The following EIF2AK4 variants were observed in gnomAD, a reference collection of about 807,000 sequenced individuals.
The protein encoded by EIF2AK4 is eukaryotic translation initiation factor 2 alpha kinase 4.
Under a neutral mutation model 211.1 loss-of-function variants are expected in EIF2AK4, and 139 were observed. That is an observed-to-expected ratio of 0.66 (90% CI 0.57 to 0.76). The LOEUF (loss-of-function observed/expected upper bound fraction) is 0.76. Among genes scored for constraint, EIF2AK4 ranks in the 30% least tolerant of loss-of-function variants. The pLI is 0.00. For synonymous variants in EIF2AK4, 710 were observed against 751.3 expected (o/e 0.94, Z 0.90); for missense variants, 1,664 against 2,043.8 (o/e 0.81, Z 3.58).
Position 39,965,717 on chromosome 15 carries a change from C to A in EIF2AK4, c.891C>A (p.Tyr297Ter). 1 of 1,613,886 alleles carries A rather than the reference C, an allele frequency of 6.2e-7. No homozygotes were observed. Among genetic ancestry groups the A allele is most frequent in the East Asian group, 2.2e-5 (1 of 44,872 alleles). The change falls in exon 8 of 39, where the codon TAC (tyrosine) becomes TAA (stop). Residue 297 changes from tyrosine (Y) to a stop codon, truncating the protein, a stop_gained. Coordinates refer to ENST00000263791, the MANE Select transcript of EIF2AK4 (RefSeq NM_001013703.4). LOFTEE classifies it high-confidence loss of function. ...GSDEQLGKLVYNALETATGGF... is the reference protein window; with the variant it reads ...GSDEQLGKLV Reference sequence around the variant, plus strand: ...ATGAACAACTTGGAAAATTAGTCTACAATGCTTTGGAAACAGCCACTGGTG... The same window carrying A: ...ATGAACAACTTGGAAAATTAGTCTAAAATGCTTTGGAAACAGCCACTGGTG...
chr15:39,946,799 A>G, intron 3 of EIF2AK4: 1 of 604,600 alleles, frequency 1.7e-6, no homozygotes, highest in Non-Finnish European at 3.0e-6. Flanking sequence ...AGCCATCATC[A>G]AGACAAAACC....
At chr15:39,953,381 C>G (rs2034346428) in intron 4 of EIF2AK4, among the ~76,000 whole-genome samples, 2 of 151,982 alleles carry the variant, frequency 1.3e-5, no homozygotes, top group South Asian at 4.2e-4. Context: ...ATCAAAATAC[C>G]ACTTTTAACA....
At chr15:40,013,924 C>T (rs557317012) in intron 27 of EIF2AK4, among the ~76,000 whole-genome samples, 1 of 152,346 alleles carries the variant, frequency 6.6e-6, no homozygotes, top group African/African-American at 2.4e-5. Flanking sequence ...TGAAACAAGG[C>T]AAGTCCCTTC....
At chr15:39,997,303 G>A (rs2035030874) in intron 19 of EIF2AK4, among the ~76,000 whole-genome samples, 1 of 152,118 alleles carries the variant, frequency 6.6e-6, no homozygotes, top group African/African-American at 2.4e-5. Flanking sequence ...GCAGTTTTGG[G>A]AGCCAAAGAT....
chr15:39,943,504 G>T lies in EIF2AK4; in HGVS notation c.360+19G>T. The T allele has an allele frequency of 1.3e-6, 2 of 1,567,116 alleles. No individual in the cohort carries two copies. The highest frequency in any genetic ancestry group is 2.3e-5 in the East Asian group (1 of 43,540). On this transcript the variant is annotated intron_variant, in intron 3 of 38. Coordinates refer to ENST00000263791, the MANE Select transcript of EIF2AK4 (RefSeq NM_001013703.4). ...TGGGGAGGTAAGATTTGTTAAACTG[G>T]AATTAAAAGAAGACAGTAAACTTCC...
At chr15:40,011,160 G>C (rs541928112) in intron 26 of EIF2AK4, 121 bp from the exon 27 acceptor site, 25 of 728,918 alleles carry the variant, frequency 3.4e-5, no homozygotes, top group Middle Eastern at 2.4e-4. Context: ...AATCTATCCT[G>C]TACCATTAGG....
At position 39,967,656 on chromosome 15, in the gene EIF2AK4, T is replaced by C. The variant is rs778620468; in HGVS notation, c.1330T>C (p.Tyr444His). The change falls in exon 9 of 39, where the codon TAT becomes CAT. Residue 444 changes from tyrosine (Y) to histidine (H), a missense_variant. Tyr to His is a moderately conservative substitution (Grantham distance 83). Around this residue, in one of 7 missense-constraint regions of EIF2AK4, gnomAD observed 641 missense variants for 729.6 expected, o/e 0.88. Transcript: ENST00000263791. ...DAEGTVKITDYSISKRLADIC... is the reference protein window; with the variant it reads ...DAEGTVKITDHSISKRLADIC... ...AGAAGGCACCGTCAAGATTACGGACTATAGCATTTCTAAGCGCCTCGCAGA... is the reference window on the plus strand; with the variant it reads ...AGAAGGCACCGTCAAGATTACGGACCATAGCATTTCTAAGCGCCTCGCAGA... 5.0e-6 allele frequency: 8 copies of C among 1,614,208 alleles called. No individual in the cohort carries two copies. In the South Asian group the frequency reaches 8.8e-5, roughly 18 times the overall value.
chr15:39,951,564 T>C, intron 4 of EIF2AK4: 1 of 329,102 alleles, frequency 3.0e-6, no homozygotes, highest in Non-Finnish European at 5.9e-6. Context: ...GAGCAATTTC[T>C]CTCACCAGAT....
chr15:39,941,853 C>T (rs954561780), intron 2 of EIF2AK4, among the ~76,000 whole-genome samples: 2 of 152,170 alleles, frequency 1.3e-5, no homozygotes, highest in African/African-American at 4.8e-5. Flanking sequence ...GGGCCAAAAT[C>T]ACCCCTGGTT....
chr15:39,959,024 T>C (rs1220594603), intron 6 of EIF2AK4, among the ~76,000 whole-genome samples: 2 of 152,268 alleles, frequency 1.3e-5, no homozygotes, highest in Non-Finnish European at 2.9e-5. Context: ...AGATTAATAC[T>C]ATTTGGTAAT....
At position 39,943,498 on chromosome 15, in the gene EIF2AK4, A is replaced by G; in HGVS notation, c.360+13A>G. The G allele has an allele frequency of 6.4e-7, 1 of 1,570,864 alleles. No individual in the cohort carries two copies. Among genetic ancestry groups the G allele is most frequent in the East Asian group, 2.3e-5 (1 of 43,586 alleles). ...ACACTGTGGGGAGGTAAGATTTGTT[A>G]AACTGGAATTAAAAGAAGACAGTAA... is the stretch of plus-strand genomic sequence containing the variant. On this transcript the variant is annotated intron_variant, in intron 3 of 38. Transcript: ENST00000263791.
chr15:39,987,892 G>C (rs991455039), intron 14 of EIF2AK4, 91 bp from the exon 15 acceptor site: 1 of 1,462,024 alleles, frequency 6.8e-7, no homozygotes, highest in Admixed American at 1.9e-5. Context: ...CATGGTACAC[G>C]TTTTAAAATG....
At position 39,976,449 on chromosome 15, in the gene EIF2AK4, G is replaced by A; in HGVS notation, c.1854G>A (p.Val618=). The A allele has an allele frequency of 6.2e-7, 1 of 1,609,680 alleles. No individual in the cohort carries two copies. The highest frequency in any genetic ancestry group is 8.5e-7 in the Non-Finnish European group (1 of 1,178,678). ...QNKLDGCCYA[V]KRIPINPASR... is the part of the protein sequence containing the mutation. ...AGTTGGACGGCTGCTGCTACGCAGT[G>A]AAGCGCATCCCCATCAACCCGGCCA... is the stretch of plus-strand genomic sequence containing the variant. The change falls in exon 12 of 39, where the codon GTG becomes GTA. Residue 618 remains valine (V), a synonymous_variant. Transcript: ENST00000263791.
intron 2 of EIF2AK4, among the ~76,000 whole-genome samples, 173 bp from the exon 3 acceptor site, chr15:39,943,210 C>CT (rs1318367745): frequency 2.6e-5 from 4 of 152,176 alleles, no homozygotes; most frequent in Admixed American, 2.6e-4. Flanking sequence ...CACTTCTTCC[C>CT]TGTAGGACGC....
chr15:40,024,004 A>C (rs1423674764), intron 32 of EIF2AK4, among the ~76,000 whole-genome samples: 2 of 152,230 alleles, frequency 1.3e-5, no homozygotes, highest in Non-Finnish European at 2.9e-5. Flanking sequence ...CCAACTATGT[A>C]TGGCCCTCAA....
intron 7 of EIF2AK4, among the ~76,000 whole-genome samples, chr15:39,964,479 G>T (rs539072478): frequency 6.6e-6 from 1 of 152,204 alleles, no homozygotes; most frequent in South Asian, 2.1e-4. Context: ...GGTGCTATTG[G>T]CATCTAGTGG....
chr15:39,967,424 C>CA lies in EIF2AK4; in HGVS notation c.1101dup (p.Glu368ArgfsTer16), dbSNP rs2034559512. On this transcript the variant is annotated frameshift_variant, in exon 9 of 39. Coordinates refer to ENST00000263791, the MANE Select transcript of EIF2AK4 (RefSeq NM_001013703.4). LOFTEE classifies it high-confidence loss of function. ...TAGTACGCTACCTTGCAATGAATCT[C>CA]AAAGAGCAAGACGACTCCATCGTGG... 1 of 1,613,468 alleles carries CA rather than the reference C, an allele frequency of 6.2e-7. No homozygotes were observed. The highest frequency in any genetic ancestry group is 8.5e-7 in the Non-Finnish European group (1 of 1,179,968).
Position 39,981,259 on chromosome 15 carries a change from A to G in EIF2AK4, c.2319+3112A>G, listed in dbSNP as rs527402437. 3.9e-5 allele frequency among the ~76,000 whole-genome samples: 6 copies of G among 152,072 alleles called. No homozygotes were observed. In the South Asian group the frequency reaches 1.0e-3, roughly 26 times the overall value. ...GTGGCGGGCACCTGTAATCCCAGCT[A>G]CTCAGGAGGCTGAGGCAGGAGAATT... is the stretch of plus-strand genomic sequence containing the variant. On this transcript the variant is annotated intron_variant, in intron 13 of 38. Transcript: ENST00000263791.
At chr15:39,953,576 CAGG>C (rs1165824404) in intron 4 of EIF2AK4, among the ~76,000 whole-genome samples, 1 of 152,162 alleles carries the variant, frequency 6.6e-6, no homozygotes, top group African/African-American at 2.4e-5. Context: ...AGATATCAAA[CAGG>C]AGGAGCTAAG....
Sources: allele counts gnomAD v4.1 joint callset (sites outside exome capture counted in the v4.1 genomes callset), GRCh38; gene constraint gnomAD v4.1.1; regional missense constraint gnomAD v4.1.1; transcripts MANE v1.5; gene names NCBI Gene and HGNC (gene_info 2026-07-23, HGNC 2026-07-21).